The following DOCK1 variants were observed in gnomAD, a reference collection of about 807,000 sequenced individuals.
DOCK1 encodes dedicator of cytokinesis protein 1.
In DOCK1, 138 loss-of-function variants were observed where a neutral mutation model predicts 262.7. The observed-to-expected ratio is 0.53, with a 90% CI of 0.46 to 0.61. The LOEUF is 0.61. DOCK1 is among the 20% of genes least tolerant of loss of function. DOCK1 has a pLI of 0.00. For synonymous variants in DOCK1, 866 were observed against 867.4 expected, an observed-to-expected ratio of 1.00 and a Z score of 0.03; for missense variants, 1,908 against 2,370.7, an observed-to-expected ratio of 0.80 and a Z score of 4.05.
chr10:127,117,575 G>A (rs2049270866), intron 25 of DOCK1, among the ~76,000 whole-genome samples: 3 of 152,154 alleles, frequency 2.0e-5, no homozygotes, highest in African/African-American at 7.2e-5. Context: ...TTCTTTCTGT[G>A]TGGGACCTTT....
intron 38 of DOCK1, among the ~76,000 whole-genome samples, chr10:127,390,655 C>T (rs1195567224): frequency 2.0e-5 from 3 of 152,044 alleles, no homozygotes; most frequent in African/African-American, 4.8e-5. Context: ...ACACTTTGAT[C>T]GCAGAATCCT....
chr10:127,195,726 C>T (rs1232675878), intron 27 of DOCK1, among the ~76,000 whole-genome samples: 6 of 152,196 alleles, frequency 3.9e-5, no homozygotes, highest in Non-Finnish European at 5.9e-5. Context: ...TCCTCCCTGA[C>T]GTCGCCAAAG....
chr10:127,349,563 G>A (rs2063789777), intron 31 of DOCK1, among the ~76,000 whole-genome samples: 1 of 152,074 alleles, frequency 6.6e-6, no homozygotes, highest in African/African-American at 2.4e-5. Flanking sequence ...CTTTGATTGG[G>A]TCAGAATATT....
intron 38 of DOCK1, among the ~76,000 whole-genome samples, chr10:127,398,667 T>A (rs1024874095): frequency 1.3e-5 from 2 of 152,214 alleles, no homozygotes; most frequent in Admixed American, 6.5e-5. Flanking sequence ...TAGAAGAATG[T>A]CTGAAATTCA....
At chr10:127,165,049 A>G (rs888912794) in intron 27 of DOCK1, among the ~76,000 whole-genome samples, 3 of 152,212 alleles carry the variant, frequency 2.0e-5, no homozygotes, top group Non-Finnish European at 4.4e-5. Context: ...ATCAAACTAG[A>G]ATGAAAATAA....
chr10:127,417,177 A>G (rs1170229064), intron 44 of DOCK1, among the ~76,000 whole-genome samples: 6 of 152,216 alleles, frequency 3.9e-5, no homozygotes, highest in Non-Finnish European at 1.5e-5. Context: ...GTGGGGGCCC[A>G]TCACGCTTCC....
At chr10:126,965,814 T>C (rs1591472505) in intron 1 of DOCK1, among the ~76,000 whole-genome samples, 1 of 152,200 alleles carries the variant, frequency 6.6e-6, no homozygotes, top group African/African-American at 2.4e-5. Flanking sequence ...GTGGTACATA[T>C]GAAGTATGGT....
At chr10:127,361,106 CTTTTTTT>C (rs1175942298) in intron 32 of DOCK1, among the ~76,000 whole-genome samples, 1 of 87,432 alleles carries the variant, frequency 1.1e-5, no homozygotes, top group Non-Finnish European at 2.1e-5. Flanking sequence ...TAAAGTAGTT[CTTTTTTT>C]TTTTTTTTTT....
At chr10:127,066,180 A>G (rs2045860788) in intron 23 of DOCK1, among the ~76,000 whole-genome samples, 1 of 151,734 alleles carries the variant, frequency 6.6e-6, no homozygotes, top group Non-Finnish European at 1.5e-5. Flanking sequence ...GTTCTGCCCC[A>G]AGAGATTGTG....
At chr10:127,121,363 T>C (rs2049553382) in intron 25 of DOCK1, among the ~76,000 whole-genome samples, 1 of 152,018 alleles carries the variant, frequency 6.6e-6, no homozygotes, top group African/African-American at 2.4e-5. Flanking sequence ...CATTTAGGTG[T>C]GTTGTCCATA....
chr10:127,403,589 C>G (rs1347680451), intron 39 of DOCK1, among the ~76,000 whole-genome samples: 1 of 152,202 alleles, frequency 6.6e-6, no homozygotes, highest in Non-Finnish European at 1.5e-5. Flanking sequence ...GAAACCCCAT[C>G]TCTACTAAAA....
intron 29 of DOCK1, among the ~76,000 whole-genome samples, chr10:127,332,228 C>G (rs2063017056): frequency 6.6e-6 from 1 of 152,164 alleles, no homozygotes; most frequent in Non-Finnish European, 1.5e-5. Context: ...GCAGACGCAC[C>G]CTGGGAATCC....
Position 127,012,263 on chromosome 10 carries a change from C to T in DOCK1, c.1090C>T (p.Pro364Ser), listed in dbSNP as rs1274827135. The T allele has an allele frequency of 2.5e-6, 4 of 1,611,524 alleles. No individual in the cohort carries two copies. Among genetic ancestry groups the T allele is most frequent in the Non-Finnish European group, 3.4e-6 (4 of 1,177,736 alleles). Residue 364 changes from proline (P) to serine (S), a missense_variant, in exon 12 of 52, where the codon CCG (proline) becomes TCG (serine). By Grantham distance (74) the Pro-to-Ser change is moderately conservative. Transcript: ENST00000623213. The surrounding 1 kb of genome is among the most constrained non-coding windows in gnomAD (Gnocchi z 4.0). ...LALDDAIRHK[P>S]LNMSSRFSPR... is the part of the protein sequence containing the mutation. ...GTTGGACGACGCCATTCGACACAAG[C>T]CGCTGAACATGTCATCCCGTTTTTC...
intron 27 of DOCK1, chr10:127,195,971 AG>A (rs1202578778): frequency 6.6e-6 from 1 of 151,894 alleles, no homozygotes; most frequent in Non-Finnish European, 1.5e-5. Flanking sequence ...GGGGCGCGGG[AG>A]GAGGGCACGC....
intron 27 of DOCK1, among the ~76,000 whole-genome samples, chr10:127,162,738 A>G (rs1333052206): frequency 6.6e-6 from 1 of 152,186 alleles, no homozygotes; most frequent in Non-Finnish European, 1.5e-5. Flanking sequence ...GGACTTTGCT[A>G]CAAAGGAGCC....
chr10:127,068,450 A>G (rs1203436684), intron 23 of DOCK1, among the ~76,000 whole-genome samples: 1 of 146,960 alleles, frequency 6.8e-6, no homozygotes, highest in Non-Finnish European at 1.5e-5. Flanking sequence ...CTCCTACAGC[A>G]GCTCCTGCCT....
intron 9 of DOCK1, 142 bp downstream of exon 9, chr10:126,999,577 AG>A: frequency 1.6e-6 from 1 of 636,058 alleles, no homozygotes; most frequent in Non-Finnish European, 2.7e-6. Flanking sequence ...TACTAAGTAG[AG>A]CGCATTTCCA....
intron 1 of DOCK1, among the ~76,000 whole-genome samples, chr10:126,919,747 C>T (rs1027053296): frequency 3.9e-5 from 6 of 152,236 alleles, no homozygotes; most frequent in Admixed American, 3.3e-4. Context: ...TCCAGTCCCC[C>T]TGGGGGCAGG....
intron 25 of DOCK1, among the ~76,000 whole-genome samples, chr10:127,119,677 C>T (rs1259198784): frequency 6.6e-6 from 1 of 152,212 alleles, no homozygotes; most frequent in Non-Finnish European, 1.5e-5. Flanking sequence ...TATTCTGGAT[C>T]TCAGTTCTAT....
Sources: allele counts gnomAD v4.1 joint callset (sites outside exome capture counted in the v4.1 genomes callset), GRCh38; gene constraint gnomAD v4.1.1; non-coding constraint Gnocchi (gnomAD v3.1); transcripts MANE v1.5; gene names NCBI Gene and HGNC (gene_info 2026-07-23, HGNC 2026-07-21).